Variants in VRK2 observed in about 807,000 individuals in gnomAD.
VRK2 encodes VRK serine/threonine kinase 2.
A neutral mutation model predicts 57.6 loss-of-function variants in VRK2; 60 were observed. The ratio of observed to expected loss-of-function variants is 1.04; its 90% confidence interval spans 0.85 to 1.29. VRK2 has a LOEUF of 1.29. Among genes scored for constraint, VRK2 ranks in the 50% most tolerant of loss-of-function variants. VRK2 has a pLI of 0.00. For synonymous variants in VRK2, 231 were observed against 199.2 expected, an observed-to-expected ratio of 1.16 and a Z score of -1.35; for missense variants, 705 against 588.1, an observed-to-expected ratio of 1.20 and a Z score of -2.06.
chr2:58,113,012 A>C (rs1404349712), intron 7 of VRK2, among the ~76,000 whole-genome samples: 1 of 152,130 alleles, frequency 6.6e-6, no homozygotes, highest in Non-Finnish European at 1.5e-5. Context: ...AGGAGTTTTA[A>C]GACAATTGCA....
chr2:58,059,961 C>T (rs926493115), intron 2 of VRK2, among the ~76,000 whole-genome samples: 36 of 151,780 alleles, frequency 2.4e-4, no homozygotes, highest in Non-Finnish European at 1.5e-5. Context: ...AAAAGCTATT[C>T]ATTATACTTG....
chr2:57,912,187 T>C (rs892849508), intron 1 of VRK2, among the ~76,000 whole-genome samples: 2 of 152,214 alleles, frequency 1.3e-5, no homozygotes, highest in Non-Finnish European at 2.9e-5. Context: ...ATGGATGAAA[T>C]TAGCAAAAGA....
chr2:58,087,980 T>A (rs192632192), intron 5 of VRK2, among the ~76,000 whole-genome samples: 34 of 152,112 alleles, frequency 2.2e-4, no homozygotes, highest in African/African-American at 7.9e-4. Flanking sequence ...AGCGGGACTC[T>A]GTCTCAAAAA....
chr2:57,944,795 T>C (rs1671210206), intron 1 of VRK2, among the ~76,000 whole-genome samples: 1 of 144,546 alleles, frequency 6.9e-6, no homozygotes, highest in African/African-American at 2.8e-5. Flanking sequence ...ACAAGTGAAA[T>C]GGCAAAAAAA....
chr2:58,080,938 G>A (rs974706228), intron 2 of VRK2, among the ~76,000 whole-genome samples: 1 of 151,832 alleles, frequency 6.6e-6, no homozygotes, highest in African/African-American at 2.4e-5. Context: ...ACTTCCTCTT[G>A]TGTAATTTCT....
intron 1 of VRK2, among the ~76,000 whole-genome samples, chr2:57,948,510 T>C (rs946890914): frequency 6.6e-6 from 1 of 152,330 alleles, no homozygotes; most frequent in Admixed American, 6.5e-5. Flanking sequence ...TGATAGTTAA[T>C]GCAAAGAAGC....
chr2:57,936,587 GC>G (rs1476215849), intron 1 of VRK2, among the ~76,000 whole-genome samples: 6 of 149,028 alleles, frequency 4.0e-5, no homozygotes, highest in African/African-American at 1.5e-4. Context: ...AGGCTGGAGT[GC>G]AGTGGAGGGA....
At chr2:57,947,035 G>A (rs1157459188) in intron 1 of VRK2, among the ~76,000 whole-genome samples, 1 of 152,144 alleles carries the variant, frequency 6.6e-6, no homozygotes, top group Admixed American at 6.6e-5. Context: ...TCTACAAAAT[G>A]ATGAGGAAAA....
intron 7 of VRK2, among the ~76,000 whole-genome samples, chr2:58,101,466 C>T (rs959559158): frequency 1.3e-5 from 2 of 151,798 alleles, no homozygotes; most frequent in African/African-American, 4.8e-5. Flanking sequence ...ACAAACTTCA[C>T]AGTCATTCCT....
At chr2:58,043,735 T>A (rs1283486984), upstream of VRK2, among the ~76,000 whole-genome samples, 2 of 152,208 alleles carry the variant, frequency 1.3e-5, no homozygotes, top group Non-Finnish European at 2.9e-5. Context: ...AGGTTTAGAT[T>A]TATCTTGGGT....
At chr2:58,078,971 C>A (rs950667640) in intron 2 of VRK2, among the ~76,000 whole-genome samples, 47 of 152,206 alleles carry the variant, frequency 3.1e-4, no homozygotes, top group African/African-American at 1.1e-3. Flanking sequence ...CTGCACTGAG[C>A]TGATTTTGCC....
intron 10 of VRK2, among the ~76,000 whole-genome samples, chr2:58,135,671 C>CA (rs1221508044): frequency 4.7e-5 from 7 of 150,354 alleles, no homozygotes; most frequent in South Asian, 2.1e-4. Flanking sequence ...GAACTGCCAG[C>CA]AAAAAAAAAT....
At chr2:57,979,215 G>C (rs1170563960) in intron 1 of VRK2, among the ~76,000 whole-genome samples, 7 of 151,060 alleles carry the variant, frequency 4.6e-5, no homozygotes, top group Non-Finnish European at 8.8e-5. Context: ...GGTATTTCTG[G>C]TTCTAGATCC....
At chr2:58,061,418 G>A (rs115670985) in intron 2 of VRK2, among the ~76,000 whole-genome samples, 437 of 151,986 alleles carry the variant, frequency 2.9e-3, no homozygotes, top group Non-Finnish European at 3.9e-3. Context: ...ATACATTAGT[G>A]TATTATAATA....
At chr2:58,098,699 T>C (rs1673518884) in intron 7 of VRK2, among the ~76,000 whole-genome samples, 1 of 152,056 alleles carries the variant, frequency 6.6e-6, no homozygotes, top group Admixed American at 6.6e-5. Context: ...AGGATGTTCA[T>C]ACAATGATGA....
In VRK2 at chr2:58,112,843, A is replaced by G. The variant is rs778859800; in HGVS notation, c.544-10258A>G. 4.6e-5 allele frequency among the ~76,000 whole-genome samples: 7 copies of G among 152,326 alleles called. No individual in the cohort carries two copies. The South Asian group carries it at 1.0e-3, about 23-fold the overall frequency. On this transcript the variant is annotated intron_variant, in intron 7 of 12. Coordinates refer to ENST00000340157, the MANE Select transcript of VRK2 (RefSeq NM_006296.7). ...GTGGGAAGCTGAAGGGTGGAACTTC[A>G]TTATGAACACAAGTTGTCTTAATAT...
intron 2 of VRK2, among the ~76,000 whole-genome samples, chr2:58,032,232 G>T (rs1448038632): frequency 6.6e-6 from 1 of 151,948 alleles, no homozygotes; most frequent in Non-Finnish European, 1.5e-5. Context: ...GTTGATCTAA[G>T]TGTCCCGGTA....
chr2:58,020,707 C>T (rs192703648), intron 1 of VRK2, among the ~76,000 whole-genome samples: 1 of 152,322 alleles, frequency 6.6e-6, no homozygotes, highest in East Asian at 1.9e-4. Flanking sequence ...GAGACACTTT[C>T]CATTGTATAA....
intron 7 of VRK2, among the ~76,000 whole-genome samples, chr2:58,096,627 G>A (rs769250898): frequency 3.1e-4 from 47 of 151,632 alleles, no homozygotes; most frequent in Non-Finnish European, 5.0e-4. Flanking sequence ...TTATGAAGGT[G>A]GCCAGTAGTA....
Sources: gnomAD v4.1 joint callset for allele counts (sites outside exome capture counted in the v4.1 genomes callset) on GRCh38, gnomAD v4.1.1 for gene constraint, MANE v1.5 for transcripts, NCBI Gene and HGNC (gene_info 2026-07-23, HGNC 2026-07-21) for gene names.